ABCB1: variants seen among roughly 807,000 people sequenced by gnomAD.
ABCB1 encodes ATP-dependent translocase ABCB1.
A neutral mutation model predicts 142.0 loss-of-function variants in ABCB1; 69 were observed. The observed-to-expected ratio is 0.49, with a 90% CI of 0.40 to 0.59. ABCB1 has a LOEUF of 0.59. Ranked by LOEUF, ABCB1 falls within the 20% of genes least tolerant of loss-of-function variation. The pLI, the probability that ABCB1 is intolerant of heterozygous loss-of-function variation, is 0.00. For missense variants in ABCB1, 1,326 were observed against 1,554.7 expected, an observed-to-expected ratio of 0.85 and a Z score of 2.47; for synonymous variants, 532 against 539.2, an observed-to-expected ratio of 0.99 and a Z score of 0.18.
intron 1 of ABCB1, among the ~76,000 whole-genome samples, chr7:87,647,636 C>A (rs1823142749): frequency 6.6e-6 from 1 of 152,152 alleles, no homozygotes. Context: ...TAAGTAACAT[C>A]AGTCCTACAA....
At chr7:87,648,692 G>A (rs1417848182) in intron 1 of ABCB1, among the ~76,000 whole-genome samples, 14 of 151,970 alleles carry the variant, frequency 9.2e-5, no homozygotes, top group Non-Finnish European at 2.9e-5. Flanking sequence ...AAATGTTTTA[G>A]TATTTTTTAT....
intron 1 of ABCB1, among the ~76,000 whole-genome samples, chr7:87,707,697 A>T (rs552731716): frequency 5.3e-5 from 8 of 151,858 alleles, no homozygotes; most frequent in African/African-American, 1.7e-4. Context: ...ATAAATAAAT[A>T]AAATAAAATA....
intron 6 of ABCB1, 112 bp from the exon 7 acceptor site, chr7:87,566,353 T>C: frequency 8.9e-7 from 1 of 1,120,594 alleles, no homozygotes; most frequent in Non-Finnish European, 1.3e-6. Context: ...TTTGTGCCTA[T>C]GCTTTGTTTT....
At chr7:87,632,666 G>A (rs918609789) in intron 1 of ABCB1, among the ~76,000 whole-genome samples, 2 of 151,828 alleles carry the variant, frequency 1.3e-5, no homozygotes, top group Admixed American at 1.3e-4. Context: ...TTTTTAACTT[G>A]CATTTTTATC....
chr7:87,628,712 C>A, intron 1 of ABCB1: 1 of 640,278 alleles, frequency 1.6e-6, no homozygotes, highest in Middle Eastern at 4.8e-4. Flanking sequence ...GGCTCCTTTC[C>A]TACATCCTTC....
chr7:87,608,670 T>C (rs1315003862), intron 1 of ABCB1, among the ~76,000 whole-genome samples: 4 of 152,210 alleles, frequency 2.6e-5, no homozygotes, highest in Non-Finnish European at 5.9e-5. Flanking sequence ...TTTTAGTTTT[T>C]TTTATCGTTT....
At chr7:87,549,050 G>A (rs973167051) in intron 14 of ABCB1, among the ~76,000 whole-genome samples, 4 of 152,154 alleles carry the variant, frequency 2.6e-5, no homozygotes, top group African/African-American at 9.7e-5. Flanking sequence ...CAATGAAGAT[G>A]AACTTTCACA....
At chr7:87,507,294 A>G (rs1430406647) in intron 26 of ABCB1, among the ~76,000 whole-genome samples, 3 of 152,168 alleles carry the variant, frequency 2.0e-5, no homozygotes, top group Non-Finnish European at 4.4e-5. Context: ...ATTTAAAAAG[A>G]TAGATAATAG....
intron 1 of ABCB1, among the ~76,000 whole-genome samples, chr7:87,618,506 A>C (rs542607538): frequency 6.6e-6 from 1 of 152,338 alleles, no homozygotes; most frequent in South Asian, 2.1e-4. Flanking sequence ...GCCTATCAAT[A>C]GAAATAGTTT....
At chr7:87,641,344 T>C (rs1480219856) in intron 1 of ABCB1, among the ~76,000 whole-genome samples, 1 of 152,226 alleles carries the variant, frequency 6.6e-6, no homozygotes, top group East Asian at 1.9e-4. Flanking sequence ...TTTACTAGTG[T>C]TCATCTTCCT....
intron 1 of ABCB1, among the ~76,000 whole-genome samples, chr7:87,710,059 G>T (rs1436513941): frequency 6.6e-6 from 1 of 151,962 alleles, no homozygotes; most frequent in African/African-American, 2.4e-5. Context: ...TCATGATTTG[G>T]ATTCATTATA....
intron 1 of ABCB1, among the ~76,000 whole-genome samples, chr7:87,678,425 G>A (rs1489316507): frequency 6.6e-6 from 1 of 152,062 alleles, no homozygotes; most frequent in Non-Finnish European, 1.5e-5. Flanking sequence ...TAAATATTAG[G>A]TGTTCTATTT....
At chr7:87,530,818 AAAGC>A (rs1329698667) in intron 21 of ABCB1, among the ~76,000 whole-genome samples, 41 of 102,792 alleles carry the variant, frequency 4.0e-4, no homozygotes, top group African/African-American at 1.7e-3. Context: ...AGAAAGCAAG[AAAGC>A]AAGAAAGCAA....
chr7:87,625,319 T>A (rs902925176), intron 1 of ABCB1, among the ~76,000 whole-genome samples: 1 of 152,122 alleles, frequency 6.6e-6, no homozygotes, highest in African/African-American at 2.4e-5. Flanking sequence ...GGAGTTTTAC[T>A]AAGTTTTCAG....
chr7:87,599,381 C>T (rs983630960), intron 2 of ABCB1, among the ~76,000 whole-genome samples: 6 of 152,128 alleles, frequency 3.9e-5, no homozygotes, highest in African/African-American at 1.2e-4. Context: ...GTACTTTTGA[C>T]CTTCTGTCTC....
At chr7:87,509,941 G>C (rs568502772) in intron 25 of ABCB1, among the ~76,000 whole-genome samples, 2 of 152,282 alleles carry the variant, frequency 1.3e-5, no homozygotes, top group East Asian at 3.9e-4. Context: ...AATGCAGTGT[G>C]AGAAAGACTC....
At chr7:87,702,782 T>C (rs1300774642) in intron 1 of ABCB1, among the ~76,000 whole-genome samples, 2 of 152,146 alleles carry the variant, frequency 1.3e-5, no homozygotes, top group Non-Finnish European at 2.9e-5. Flanking sequence ...ACTAAAACTT[T>C]TTGAGCATCA....
chr7:87,581,092 C>T (rs1818487437), intron 4 of ABCB1, among the ~76,000 whole-genome samples: 2 of 151,720 alleles, frequency 1.3e-5, no homozygotes, highest in Non-Finnish European at 2.9e-5. Flanking sequence ...CTATCTTGTT[C>T]CACCTCCTCC....
chr7:87,529,242 A>G (rs754756415), intron 21 of ABCB1, among the ~76,000 whole-genome samples: 1 of 152,222 alleles, frequency 6.6e-6, no homozygotes, highest in African/African-American at 2.4e-5. Context: ...TTCATTATCT[A>G]TCCAACAGGG....
Sources: allele counts gnomAD v4.1 joint callset (sites outside exome capture counted in the v4.1 genomes callset), GRCh38; gene constraint gnomAD v4.1.1; transcripts MANE v1.5; gene names NCBI Gene and HGNC (gene_info 2026-07-23, HGNC 2026-07-21).